CCDC180: variants seen among roughly 807,000 people sequenced by gnomAD.
The protein encoded by CCDC180 is coiled-coil domain containing 180, also known as coiled-coil domain-containing protein 180.
A neutral mutation model predicts 209.2 loss-of-function variants in CCDC180; 154 were observed. That is an observed-to-expected ratio of 0.74 (90% CI 0.65 to 0.84). The LOEUF is 0.84. Among genes scored for constraint, CCDC180 ranks in the 40% least tolerant of loss-of-function variants. The probability of loss-of-function intolerance (pLI) is 0.00; values close to 1 mark genes in which losing one functional copy is unlikely to be tolerated. For synonymous variants in CCDC180, 778 were observed against 749.1 expected, an observed-to-expected ratio of 1.04 and a Z score of -0.63; for missense variants, 1,874 against 1,997.3, an observed-to-expected ratio of 0.94 and a Z score of 1.18.
At chr9:97,323,653 A>G (rs1833430174) in intron 12 of CCDC180, 128 bp from the exon 13 acceptor site, 1 of 1,140,546 alleles carries the variant, frequency 8.8e-7, no homozygotes, top group Non-Finnish European at 1.2e-6. Flanking sequence ...AACAGAATTC[A>G]TGGGGTGCAG....
intron 14 of CCDC180, among the ~76,000 whole-genome samples, chr9:97,326,104 G>T (rs1233917319): frequency 6.6e-6 from 1 of 152,228 alleles, no homozygotes; most frequent in Non-Finnish European, 1.5e-5. Context: ...TCATTTCAAA[G>T]CTCCATAACT....
At position 97,369,961 on chromosome 9, in the gene CCDC180, C is replaced by T. The variant is rs757689750; in HGVS notation, c.4229C>T (p.Pro1410Leu). 22 of 1,614,050 alleles carry T rather than the reference C, an allele frequency of 1.4e-5. No homozygotes were observed. In the East Asian group the frequency reaches 4.9e-4, roughly 36 times the overall value. Reference protein sequence around the residue: ...IQIRRFEELLPQVCWLVMENF... With the variant: ...IQIRRFEELLLQVCWLVMENF... Reference sequence around the variant, plus strand: ...ATCAGGAGATTTGAGGAGCTGCTGCCCCAAGTGTGTTGGCTGGTGATGGAG... The same window carrying T: ...ATCAGGAGATTTGAGGAGCTGCTGCTCCAAGTGTGTTGGCTGGTGATGGAG... Residue 1410 changes from proline to leucine, a missense_variant, in exon 32 of 37, where the codon CCC becomes CTC. By Grantham distance (98) the Pro-to-Leu change is moderately conservative. Transcript: ENST00000529487.
rs757083347 is a variant in CCDC180 at position 97,370,683 on chromosome 9, G to A, written c.4393G>A (p.Val1465Ile). 2.2e-5 allele frequency: 36 copies of A among 1,613,916 alleles called. No individual in the cohort carries two copies. The Admixed American group carries it at 2.5e-4, about 11-fold the overall frequency. The change falls in exon 33 of 37, where the codon GTA becomes ATA. Residue 1465 changes from valine (V) to isoleucine (I), a missense_variant. By Grantham distance (29) the Val-to-Ile change is conservative (BLOSUM62 3). Transcript: ENST00000529487. ...QKLHLNLGHP[V>I]HFQEMESLHL... Reference sequence around the variant, plus strand: ...GCTCCATCTAAATCTTGGACACCCCGTACATTTCCAAGAAATGGAGTCTCT... The same window carrying A: ...GCTCCATCTAAATCTTGGACACCCCATACATTTCCAAGAAATGGAGTCTCT...
At chr9:97,323,729 C>T in intron 12 of CCDC180, 52 bp from the exon 13 acceptor site, 1 of 1,523,494 alleles carries the variant, frequency 6.6e-7, no homozygotes, top group Non-Finnish European at 8.8e-7. Flanking sequence ...CAGCTGATGC[C>T]TGTGGGGACC....
At chr9:97,373,089 G>A (rs1587839218) in intron 34 of CCDC180, 1 of 152,340 alleles carries the variant, frequency 6.6e-6, no homozygotes, top group African/African-American at 2.4e-5. Context: ...CTGTTTAAAT[G>A]AATCTGTGTG....
rs745746604 is a variant in CCDC180 at position 97,325,521 on chromosome 9, C to T, written c.1545+329C>T. Among the ~76,000 whole-genome samples the T allele has an allele frequency of 5.3e-4, 80 of 152,154 alleles. 1 individual carries two copies. The highest frequency in any genetic ancestry group is 2.2e-4 in the Non-Finnish European group (15 of 68,024). On this transcript the variant is annotated intron_variant, in intron 14 of 36. Transcript: ENST00000529487. The stretch of plus-strand genomic sequence containing the variant: ...GAGGGGGAGAATAACATGAACCAAC[C>T]TCAAAAGGAATACATCCACAGGGAG...
chr9:97,372,846 C>G (rs1827143322), intron 34 of CCDC180: 1 of 152,066 alleles, frequency 6.6e-6, no homozygotes, highest in African/African-American at 2.4e-5. Context: ...CCACTGCACT[C>G]CAGCCTGGTG....
In CCDC180 at chr9:97,350,561, A is replaced by T. The variant is rs1826394838; in HGVS notation, c.3002+6A>T. The T allele has an allele frequency of 3.3e-6, 5 of 1,536,178 alleles. No homozygotes were observed. The highest frequency in any genetic ancestry group is 4.4e-6 in the Non-Finnish European group (5 of 1,146,946). ...GAGTTCATCAAACACTGCAGGTGGGAGCCAGTGTCCAGGGCCTCTTCAGGC... is the reference window on the plus strand; with the variant it reads ...GAGTTCATCAAACACTGCAGGTGGGTGCCAGTGTCCAGGGCCTCTTCAGGC... On this transcript the variant is annotated splice_donor_region_variant and intron_variant, in intron 22 of 36. Coordinates refer to ENST00000529487, the MANE Select transcript of CCDC180 (RefSeq NM_020893.6).
rs1018217078 is a variant in CCDC180 at position 97,309,311 on chromosome 9, G to A, written c.70-103G>A. Reference sequence around the variant, plus strand: ...CCTCCTGAAAAGTACCTTCCTGGGGGCAGCTCTCTGGATGTCTTTCTAGAC... The same window carrying A: ...CCTCCTGAAAAGTACCTTCCTGGGGACAGCTCTCTGGATGTCTTTCTAGAC... On this transcript the variant is annotated intron_variant, in intron 2 of 36. Transcript: ENST00000529487. The A allele has an allele frequency of 4.3e-6, 5 of 1,158,942 alleles. No individual in the cohort carries two copies. In the African/African-American group the frequency reaches 4.8e-5, roughly 11 times the overall value. 71.8% of individuals were successfully genotyped at this position (1,158,942 alleles called of 1,614,324 possible).
rs545767410 is a variant in CCDC180, at chr9:97,326,572, G to A, written c.1564G>A (p.Asp522Asn). The A allele has an allele frequency of 1.2e-5, 19 of 1,613,110 alleles. No individual in the cohort carries two copies. In the East Asian group the frequency reaches 1.3e-4, roughly 11 times the overall value. ...LESQVQEAHL[D>N]RLLDQLRQQS... ...CTTCCAGGTGCAGGAGGCCCACCTC[G>A]ATAGGCTCTTGGACCAACTGAGGCA... Residue 522 changes from aspartate to asparagine, a missense_variant, in exon 15 of 37, where the codon GAT becomes AAT. By Grantham distance (23) the Asp-to-Asn change is conservative. Transcript: ENST00000529487.
intron 21 of CCDC180, among the ~76,000 whole-genome samples, chr9:97,349,987 T>TTGA (rs1826376448): frequency 6.6e-6 from 1 of 152,092 alleles, no homozygotes; most frequent in Non-Finnish European, 1.5e-5. Flanking sequence ...TTTCACCAAT[T>TTGA]TGATGTGCTC....
chr9:97,319,259 A>G (rs1833278681), intron 10 of CCDC180, among the ~76,000 whole-genome samples: 1 of 152,236 alleles, frequency 6.6e-6, no homozygotes. Context: ...CCTATGTAAC[A>G]AACCTGCACA....
At chr9:97,332,384 T>C (rs2118701767) in intron 18 of CCDC180, among the ~76,000 whole-genome samples, 1 of 152,324 alleles carries the variant, frequency 6.6e-6, no homozygotes, top group South Asian at 2.1e-4. Flanking sequence ...AATTTTAAAA[T>C]AGTTTTTCTG....
chr9:97,346,177 C>G lies in CCDC180; in HGVS notation c.2499-1137C>G, dbSNP rs114995030. Among the ~76,000 whole-genome samples, 383 of 152,334 alleles carry G rather than the reference C, an allele frequency of 2.5e-3. 1 individual carries two copies. The highest frequency in any genetic ancestry group is 8.7e-3 in the African/African-American group (361 of 41,582). On this transcript the variant is annotated intron_variant, in intron 19 of 36. Coordinates refer to ENST00000529487, the MANE Select transcript of CCDC180 (RefSeq NM_020893.6). ...GTGTCTTTTCTAGTTCTCTATGTGT[C>G]TATCCAATGACTTCACGCTGCTTTA...
intron 25 of CCDC180, among the ~76,000 whole-genome samples, chr9:97,358,968 C>G (rs1276955554): frequency 6.6e-6 from 1 of 152,186 alleles, no homozygotes; most frequent in Non-Finnish European, 1.5e-5. Flanking sequence ...CGTAAACACC[C>G]ACAAAGCATA....
chr9:97,321,720 G>T (rs1447545975), intron 11 of CCDC180, among the ~76,000 whole-genome samples: 1 of 152,194 alleles, frequency 6.6e-6, no homozygotes, highest in Admixed American at 6.5e-5. Context: ...GAATGAACAG[G>T]TCCCCAGCCA....
Position 97,325,063 on chromosome 9 carries a change from A to G in CCDC180, c.1416A>G (p.Ser472=), listed in dbSNP as rs3747496. 0.49 allele frequency: 786,386 copies of G among 1,613,192 alleles called. 197,954 individuals carry two copies. Among genetic ancestry groups the G allele is most frequent in the African/African-American group, 0.74 (55,315 of 74,954 alleles). The change falls in exon 14 of 37, where the codon TCA becomes TCG. Residue 472 remains serine, a synonymous_variant. Transcript: ENST00000529487. ...CAGATCAGACAGAGTGGCAGAGTTC[A>G]CACCTCTTCAAGTATTTCCAGGAGG... is the stretch of plus-strand genomic sequence containing the variant. The part of the protein sequence containing the change: ...TLADQTEWQS[S]HLFKYFQEVV...
chr9:97,355,469 T>C (rs1826554664), intron 24 of CCDC180, among the ~76,000 whole-genome samples: 1 of 152,232 alleles, frequency 6.6e-6, no homozygotes, highest in African/African-American at 2.4e-5. Flanking sequence ...AATAAAATCT[T>C]AATAACTGCT....
chr9:97,316,774 CCTT>C (rs1833186924), intron 8 of CCDC180, among the ~76,000 whole-genome samples: 2 of 152,322 alleles, frequency 1.3e-5, no homozygotes, highest in Admixed American at 1.3e-4. Context: ...CCTCCTTTCA[CCTT>C]CTTTAACAAA....
Sources: allele counts gnomAD v4.1 joint callset (sites outside exome capture counted in the v4.1 genomes callset), GRCh38; gene constraint gnomAD v4.1.1; transcripts MANE v1.5; gene names NCBI Gene and HGNC (gene_info 2026-07-23, HGNC 2026-07-21).